Variants in RASSF3 observed in about 807,000 individuals in gnomAD.
RASSF3 encodes the protein ras association domain-containing protein 3.
A neutral mutation model predicts 19.9 loss-of-function variants in RASSF3; 19 were observed. The observed-to-expected ratio is 0.96, with a 90% confidence interval of 0.67 to 1.40. RASSF3 has a LOEUF of 1.40. RASSF3 is among the 40% of genes most tolerant of loss of function. RASSF3 has a pLI of 0.00. For synonymous variants in RASSF3, 110 were observed against 104.2 expected (o/e 1.06, Z -0.34); for missense variants, 306 against 289.8 (o/e 1.06, Z -0.41).
At chr12:64,604,942 C>G (rs1870162972) in intron 2 of RASSF3, among the ~76,000 whole-genome samples, 1 of 151,260 alleles carries the variant, frequency 6.6e-6, no homozygotes, top group African/African-American at 2.4e-5. Flanking sequence ...CAACTCCTAT[C>G]ATCTTTGAGT....
chr12:64,678,661 A>AC (rs1873000916), intron 1 of RASSF3, among the ~76,000 whole-genome samples: 1 of 151,074 alleles, frequency 6.6e-6, no homozygotes, highest in African/African-American at 2.4e-5. Context: ...AAAAAAAAAA[A>AC]AAAACCAAAC....
chr12:64,522,841 C>T (rs928919848), intron 1 of RASSF3, among the ~76,000 whole-genome samples: 4 of 152,220 alleles, frequency 2.6e-5, no homozygotes, highest in Non-Finnish European at 5.9e-5. Context: ...AAATGTAGAA[C>T]TAATAGGCTC....
At chr12:64,679,821 T>C (rs566806092) in intron 1 of RASSF3, among the ~76,000 whole-genome samples, 1 of 152,288 alleles carries the variant, frequency 6.6e-6, no homozygotes, top group South Asian at 2.1e-4. Flanking sequence ...AACTGACTTA[T>C]GAAAAGATGA....
intron 1 of RASSF3, among the ~76,000 whole-genome samples, chr12:64,528,042 C>T (rs1421530561): frequency 6.6e-6 from 1 of 152,204 alleles, no homozygotes; most frequent in South Asian, 2.1e-4. Flanking sequence ...GAGAACCACT[C>T]GCATCCAGGA....
At chr12:64,643,167 G>A (rs1255568261) in intron 1 of RASSF3, among the ~76,000 whole-genome samples, 1 of 148,590 alleles carries the variant, frequency 6.7e-6, no homozygotes, top group Non-Finnish European at 1.5e-5. Context: ...CGCCTGGCCC[G>A]GGCAAGTTTC....
intron 1 of RASSF3, among the ~76,000 whole-genome samples, chr12:64,629,426 T>C (rs1871097911): frequency 6.6e-6 from 1 of 152,102 alleles, no homozygotes; most frequent in Non-Finnish European, 1.5e-5. Flanking sequence ...TTCTTCCAGC[T>C]AGAAGGACTA....
intron 4 of RASSF3, among the ~76,000 whole-genome samples, chr12:64,693,085 T>C (rs1868307125): frequency 6.6e-6 from 1 of 152,124 alleles, no homozygotes. Context: ...TCTGTTAAAA[T>C]TTTAAAAATT....
At chr12:64,606,800 G>A (rs1468121296), upstream of RASSF3, among the ~76,000 whole-genome samples, 1 of 152,092 alleles carries the variant, frequency 6.6e-6, no homozygotes, top group East Asian at 1.9e-4. Context: ...GGGTGACAGA[G>A]TGAGACTGCG....
intron 1 of RASSF3, among the ~76,000 whole-genome samples, chr12:64,627,289 T>C (rs915607320): frequency 1.1e-4 from 16 of 152,248 alleles, no homozygotes; most frequent in African/African-American, 3.9e-4. Context: ...TGCTTTTATC[T>C]GCAAAGTCGT....
At chr12:64,672,916 C>G (rs976251926) in intron 1 of RASSF3, among the ~76,000 whole-genome samples, 3 of 152,158 alleles carry the variant, frequency 2.0e-5, no homozygotes, top group African/African-American at 7.2e-5. Context: ...AAGCCTCTGC[C>G]CTTGATGTTC....
At chr12:64,518,075 G>A (rs1210324977) in intron 1 of RASSF3, among the ~76,000 whole-genome samples, 5 of 151,894 alleles carry the variant, frequency 3.3e-5, no homozygotes, top group East Asian at 1.9e-4. Flanking sequence ...CTAGGCAATC[G>A]TAACTCAATA....
intron 1 of RASSF3, among the ~76,000 whole-genome samples, chr12:64,509,142 T>C (rs936705068): frequency 6.6e-6 from 1 of 152,104 alleles, no homozygotes; most frequent in African/African-American, 2.4e-5. Context: ...CTTCACCAAT[T>C]GCTTCATTTT....
chr12:64,514,059 T>C (rs1188639892), intron 1 of RASSF3, among the ~76,000 whole-genome samples: 1 of 149,772 alleles, frequency 6.7e-6, no homozygotes, highest in Non-Finnish European at 1.5e-5. Flanking sequence ...TTTGCTTTTT[T>C]TTTTTTTTTA....
chr12:64,511,927 T>A (rs1475332052), intron 1 of RASSF3, among the ~76,000 whole-genome samples: 1 of 152,122 alleles, frequency 6.6e-6, no homozygotes, highest in Non-Finnish European at 1.5e-5. Context: ...TCCTGCCCCA[T>A]GTTTTATCAG....
intron 1 of RASSF3, among the ~76,000 whole-genome samples, chr12:64,611,279 A>G (rs192071665): frequency 2.0e-4 from 30 of 152,324 alleles, no homozygotes; most frequent in Admixed American, 9.1e-4. Context: ...CCTCGCCACC[A>G]TAGGCTCTCA....
chr12:64,645,052 A>T (rs1161668982), intron 1 of RASSF3, among the ~76,000 whole-genome samples: 1 of 152,124 alleles, frequency 6.6e-6, no homozygotes, highest in Non-Finnish European at 1.5e-5. Context: ...CAGCCTGAGG[A>T]CTTTCTTATG....
chr12:64,656,860 TGAG>T (rs1872177106), intron 1 of RASSF3, among the ~76,000 whole-genome samples: 1 of 152,156 alleles, frequency 6.6e-6, no homozygotes, highest in Non-Finnish European at 1.5e-5. Flanking sequence ...GGATGAATCT[TGAG>T]GACATTACAT....
rs1868335229 is a variant in RASSF3 at position 64,695,047 on chromosome 12, C to T, written c.*135C>T. Reference sequence around the variant, plus strand: ...GCCTTTCTATCTGTAGATTTTGTTCCCCAAACCTGGTCACACAGCATCCTG... The same window carrying T: ...GCCTTTCTATCTGTAGATTTTGTTCTCCAAACCTGGTCACACAGCATCCTG... On this transcript the variant is annotated 3_prime_UTR_variant, in exon 5 of 5. Transcript: ENST00000542104. 3.1e-6 allele frequency: 3 copies of T among 959,896 alleles called. No individual in the cohort carries two copies. Among genetic ancestry groups the T allele is most frequent in the Admixed American group, 2.9e-5 (1 of 34,908 alleles). The allele number at this position is 959,896 out of a possible 1,614,324, so 59.5% of individuals were successfully genotyped here. A position where few individuals can be genotyped will look rare whatever the true frequency, so the allele number is the denominator to read the frequency against.
At chr12:64,604,895 GA>G in intron 2 of RASSF3, among the ~76,000 whole-genome samples, 1 of 152,116 alleles carries the variant, frequency 6.6e-6, no homozygotes, top group African/African-American at 2.4e-5. Context: ...AAAGTGCCGG[GA>G]TTACAGGCGT....
Sources: allele counts gnomAD v4.1 joint callset (sites outside exome capture counted in the v4.1 genomes callset), GRCh38; gene constraint gnomAD v4.1.1; transcripts MANE v1.5; gene names NCBI Gene and HGNC (gene_info 2026-07-23, HGNC 2026-07-21).